The following CHCHD3 variants were observed in gnomAD, a reference collection of about 807,000 sequenced individuals.
CHCHD3 encodes MICOS complex subunit MIC19.
In CHCHD3, 20 loss-of-function variants were observed where a neutral mutation model predicts 38.2. The ratio of observed to expected loss-of-function variants is 0.52; its 90% CI spans 0.37 to 0.76. The LOEUF (loss-of-function observed/expected upper bound fraction) is 0.76, where lower values mean the gene tolerates loss of function less well. Ranked by LOEUF, CHCHD3 falls within the 30% of genes least tolerant of loss-of-function variation. CHCHD3 has a pLI of 0.00. For missense variants in CHCHD3, 245 were observed against 279.2 expected (o/e 0.88, Z 0.87); for synonymous variants, 82 against 100.0 (o/e 0.82, Z 1.07).
intron 6 of CHCHD3, among the ~76,000 whole-genome samples, chr7:132,811,877 G>A (rs1042779947): frequency 3.3e-5 from 5 of 152,098 alleles, no homozygotes; most frequent in African/African-American, 1.2e-4. Flanking sequence ...AGACACCTCA[G>A]CCATTCTCAT....
At chr7:132,814,783 C>T (rs1041176706) in intron 6 of CHCHD3, among the ~76,000 whole-genome samples, 6 of 152,174 alleles carry the variant, frequency 3.9e-5, no homozygotes, top group Non-Finnish European at 7.3e-5. Flanking sequence ...TATGTCATAT[C>T]ATATATCATA....
intron 4 of CHCHD3, among the ~76,000 whole-genome samples, chr7:132,917,115 A>G (rs574924217): frequency 6.6e-6 from 1 of 152,350 alleles, no homozygotes; most frequent in African/African-American, 2.4e-5. Flanking sequence ...AATTACAATC[A>G]TTAGATATAA....
At chr7:132,900,786 T>C (rs1809646791) in intron 4 of CHCHD3, among the ~76,000 whole-genome samples, 1 of 150,946 alleles carries the variant, frequency 6.6e-6, no homozygotes, top group Admixed American at 6.6e-5. Context: ...AGGTCAGGAG[T>C]TCAAGACCGG....
chr7:132,892,870 C>T (rs1473325221), intron 4 of CHCHD3, among the ~76,000 whole-genome samples: 1 of 152,226 alleles, frequency 6.6e-6, no homozygotes, highest in Non-Finnish European at 1.5e-5. Context: ...TGCGAACCTC[C>T]ACCTAGATTT....
chr7:132,895,578 C>A (rs150514544), intron 4 of CHCHD3, among the ~76,000 whole-genome samples: 13 of 152,370 alleles, frequency 8.5e-5, no homozygotes, highest in Non-Finnish European at 1.5e-4. Context: ...ACGGGACCCA[C>A]TGGGAAGTAA....
chr7:132,949,195 C>T (rs918629582), intron 4 of CHCHD3, among the ~76,000 whole-genome samples: 7 of 152,100 alleles, frequency 4.6e-5, no homozygotes, highest in African/African-American at 1.7e-4. Flanking sequence ...TTTTGCATGG[C>T]TCATATCATC....
chr7:132,825,881 C>A (rs1027607437), intron 6 of CHCHD3, among the ~76,000 whole-genome samples: 1 of 152,224 alleles, frequency 6.6e-6, no homozygotes, highest in Admixed American at 6.5e-5. Context: ...CTTGCCAACA[C>A]ACCCCTTTTT....
chr7:132,789,045 A>C (rs886357217), intron 7 of CHCHD3, among the ~76,000 whole-genome samples: 2 of 152,166 alleles, frequency 1.3e-5, no homozygotes, highest in African/African-American at 4.8e-5. Flanking sequence ...CTCAGAACTC[A>C]GGGCTTTTGG....
At chr7:133,024,408 G>T in intron 3 of CHCHD3, 138 bp downstream of exon 3, 1 of 718,920 alleles carries the variant, frequency 1.4e-6, no homozygotes, top group Non-Finnish European at 2.4e-6. Context: ...ACCGAAAATG[G>T]CCAAGTTCAT....
At chr7:132,955,780 T>C (rs530187302) in intron 4 of CHCHD3, among the ~76,000 whole-genome samples, 10 of 152,170 alleles carry the variant, frequency 6.6e-5, no homozygotes, top group African/African-American at 2.4e-4. Context: ...AGCAGAGATT[T>C]ATAACCAAGG....
chr7:133,069,537 G>C (rs1294319585), intron 2 of CHCHD3, among the ~76,000 whole-genome samples: 2 of 152,142 alleles, frequency 1.3e-5, no homozygotes, highest in Non-Finnish European at 2.9e-5. Flanking sequence ...ACACATAGCT[G>C]GTGCTTAGTA....
chr7:132,892,476 T>C (rs575589365), intron 4 of CHCHD3, among the ~76,000 whole-genome samples: 6 of 152,270 alleles, frequency 3.9e-5, no homozygotes, highest in Admixed American at 1.3e-4. Flanking sequence ...GACCATGTGG[T>C]AGAAAAGAAA....
At chr7:132,907,138 A>G (rs1169454247) in intron 4 of CHCHD3, among the ~76,000 whole-genome samples, 1 of 152,248 alleles carries the variant, frequency 6.6e-6, no homozygotes, top group Non-Finnish European at 1.5e-5. Flanking sequence ...GCACTCAATG[A>G]AAACCTGTGT....
intron 6 of CHCHD3, among the ~76,000 whole-genome samples, chr7:132,821,824 G>C (rs970874832): frequency 6.8e-6 from 1 of 146,312 alleles, no homozygotes; most frequent in Non-Finnish European, 1.5e-5. Context: ...CTGCAGTGGC[G>C]CAATCTCGGC....
At chr7:133,022,510 G>C (rs1562940327) in intron 3 of CHCHD3, 1 of 456,400 alleles carries the variant, frequency 2.2e-6, no homozygotes, top group African/African-American at 2.0e-5. Context: ...TAGAAAAAAA[G>C]AAAGAAAAAT....
chr7:133,003,312 C>G (rs1036572063), intron 3 of CHCHD3, among the ~76,000 whole-genome samples: 1 of 152,144 alleles, frequency 6.6e-6, no homozygotes, highest in Non-Finnish European at 1.5e-5. Context: ...GGCAAACATG[C>G]TCTTAAAATA....
At chr7:133,019,492 C>T (rs1051123239) in intron 3 of CHCHD3, among the ~76,000 whole-genome samples, 1 of 152,116 alleles carries the variant, frequency 6.6e-6, no homozygotes, top group Non-Finnish European at 1.5e-5. Context: ...CTACACTATA[C>T]TCTAACACAG....
intron 4 of CHCHD3, chr7:132,972,984 T>A: frequency 1.1e-5 from 11 of 985,418 alleles, no homozygotes; most frequent in Non-Finnish European, 1.3e-5. Context: ...AATCAAAACA[T>A]GTTGCTTAAT....
chr7:132,835,124 G>A (rs1293176068), intron 6 of CHCHD3, among the ~76,000 whole-genome samples: 6 of 150,584 alleles, frequency 4.0e-5, no homozygotes, highest in South Asian at 2.1e-4. Flanking sequence ...ATAGGCATGC[G>A]CCACCACACC....
Sources: allele counts gnomAD v4.1 joint callset (sites outside exome capture counted in the v4.1 genomes callset), GRCh38; gene constraint gnomAD v4.1.1; transcripts MANE v1.5; gene names NCBI Gene and HGNC (gene_info 2026-07-23, HGNC 2026-07-21).